Variants in COL24A1 observed in about 807,000 individuals in gnomAD.
COL24A1 encodes the protein collagen type XXIV alpha 1 chain.
Under a neutral mutation model 253.9 loss-of-function variants are expected in COL24A1, and 224 were observed. The ratio of observed to expected loss-of-function variants is 0.88; its 90% CI spans 0.79 to 0.99. The LOEUF (loss-of-function observed/expected upper bound fraction) is 0.99. Among genes scored for constraint, COL24A1 ranks in the 50% least tolerant of loss-of-function variants. The pLI, the probability that COL24A1 is intolerant of heterozygous loss-of-function variation, is 0.00. For synonymous variants in COL24A1, 685 were observed against 673.7 expected (o/e 1.02, Z -0.26); for missense variants, 2,131 against 2,068.5 (o/e 1.03, Z -0.59).
intron 10 of COL24A1, among the ~76,000 whole-genome samples, chr1:86,057,225 C>T (rs915026863): frequency 1.3e-5 from 2 of 152,056 alleles, no homozygotes; most frequent in African/African-American, 2.4e-5. Context: ...CTCCCACTCT[C>T]GCCTTGTGAC....
intron 19 of COL24A1, among the ~76,000 whole-genome samples, chr1:85,994,242 C>A: frequency 6.6e-6 from 1 of 151,556 alleles, no homozygotes; most frequent in Middle Eastern, 3.2e-3. Context: ...ATTATGAATT[C>A]TTGAGGGCAA....
At chr1:85,971,291 T>A (rs1404000917) in intron 21 of COL24A1, 49 bp downstream of exon 21, 1 of 1,537,876 alleles carries the variant, frequency 6.5e-7, no homozygotes, top group African/African-American at 1.4e-5. Flanking sequence ...AAGGGAAAAT[T>A]TTAACTAAAA....
Position 85,896,413 on chromosome 1 carries a change from G to A in COL24A1, c.2779-4C>T. 6.2e-7 allele frequency: 1 copy of A among 1,610,734 alleles called. No homozygotes were observed. Among genetic ancestry groups the A allele is most frequent in the Non-Finnish European group, 8.5e-7 (1 of 1,177,442 alleles). ...GACCATCTGGTCCTCTTGATCCCTA[G>A]AGGTGAAAAAAATATCCTGTTGTTA... On this transcript the variant is annotated splice_polypyrimidine_tract_variant and splice_region_variant and intron_variant, in intron 28 of 59. Coordinates refer to ENST00000370571, the MANE Select transcript of COL24A1 (RefSeq NM_152890.7).
At chr1:86,016,289 T>G (rs1033815875) in intron 19 of COL24A1, among the ~76,000 whole-genome samples, 2 of 152,306 alleles carry the variant, frequency 1.3e-5, no homozygotes, top group Non-Finnish European at 1.5e-5. Flanking sequence ...GAAGTAGATC[T>G]TATGGTTTAC....
chr1:85,933,246 T>C (rs2103108150), intron 24 of COL24A1, among the ~76,000 whole-genome samples: 1 of 108,100 alleles, frequency 9.3e-6, no homozygotes, highest in African/African-American at 3.2e-5. Flanking sequence ...AATTACTCTA[T>C]TCAGTATCTA....
chr1:85,996,126 C>CA (rs1694764967), intron 19 of COL24A1, among the ~76,000 whole-genome samples: 8 of 151,858 alleles, frequency 5.3e-5, no homozygotes, highest in Admixed American at 5.2e-4. Flanking sequence ...AAAGCTGCAA[C>CA]AAAAAAAGGT....
chr1:86,126,365 G>C, intron 2 of COL24A1, 151 bp from the exon 3 acceptor site: 3 of 674,022 alleles, frequency 4.5e-6, no homozygotes. Context: ...TGGGTAATAA[G>C]AAATAGGGAG....
intron 53 of COL24A1, among the ~76,000 whole-genome samples, chr1:85,763,574 C>T (rs1361758661): frequency 7.0e-6 from 1 of 143,246 alleles, no homozygotes; most frequent in African/African-American, 2.6e-5. Flanking sequence ...TCACTGCAAT[C>T]TCTGCCTCCC....
rs374643250 is a variant in COL24A1, at chr1:85,875,333, A to G, written c.3031-3T>C. ...TCTCCCTCAGTGCCTGGAGGTCCCT[A>G]CAAGAGAATAATTTAACACATTACA... On this transcript the variant is annotated splice_region_variant and splice_polypyrimidine_tract_variant and intron_variant, in intron 33 of 59. Coordinates refer to ENST00000370571, the MANE Select transcript of COL24A1 (RefSeq NM_152890.7). 13 of 1,613,056 alleles carry G rather than the reference A, an allele frequency of 8.1e-6. No homozygotes were observed. Among genetic ancestry groups the G allele is most frequent in the Non-Finnish European group, 1.1e-5 (13 of 1,179,096 alleles).
intron 26 of COL24A1, among the ~76,000 whole-genome samples, chr1:85,909,673 T>C (rs1685180737): frequency 6.6e-6 from 1 of 151,914 alleles, no homozygotes; most frequent in South Asian, 2.1e-4. Context: ...TGTAGAATTC[T>C]AATTGAATTT....
intron 24 of COL24A1, among the ~76,000 whole-genome samples, chr1:85,946,109 G>A (rs1458109415): frequency 1.3e-5 from 2 of 152,152 alleles, no homozygotes; most frequent in Admixed American, 6.5e-5. Flanking sequence ...CCCTCTGAGA[G>A]TTTGGAATTT....
intron 3 of COL24A1, among the ~76,000 whole-genome samples, chr1:86,120,660 G>A (rs1162803768): frequency 6.6e-6 from 1 of 152,232 alleles, no homozygotes; most frequent in African/African-American, 2.4e-5. Context: ...TGTAGAGGAT[G>A]TGGAGAAATA....
intron 24 of COL24A1, among the ~76,000 whole-genome samples, chr1:85,939,689 T>C (rs1688558229): frequency 6.6e-6 from 1 of 152,184 alleles, no homozygotes; most frequent in Non-Finnish European, 1.5e-5. Context: ...TATAAGTTTT[T>C]TTTGGAATAT....
chr1:85,814,273 G>A (rs183356872), intron 47 of COL24A1, among the ~76,000 whole-genome samples: 115 of 152,226 alleles, frequency 7.6e-4, no homozygotes, highest in African/African-American at 2.7e-3. Flanking sequence ...CCAGTGTTTC[G>A]ATTTCAGGCA....
intron 5 of COL24A1, among the ~76,000 whole-genome samples, chr1:86,094,600 T>C (rs894497413): frequency 6.6e-6 from 1 of 151,854 alleles, no homozygotes; most frequent in African/African-American, 2.4e-5. Context: ...TGTAACAAAC[T>C]TGCACATGTA....
chr1:86,103,801 A>G (rs775674780), intron 5 of COL24A1, among the ~76,000 whole-genome samples: 83 of 151,962 alleles, frequency 5.5e-4, no homozygotes, highest in South Asian at 8.3e-4. Flanking sequence ...CTTTCTCTCT[A>G]GTTGCCTTTA....
intron 53 of COL24A1, among the ~76,000 whole-genome samples, chr1:85,769,007 TCAA>T (rs796903228): frequency 3.7e-4 from 1 of 2,690 alleles, no homozygotes; most frequent in Non-Finnish European, 6.2e-3. Context: ...TTCAATAAAT[TCAA>T]ACAATTCAAT....
intron 39 of COL24A1, among the ~76,000 whole-genome samples, chr1:85,845,082 TA>T (rs1677029150): frequency 6.6e-6 from 1 of 151,882 alleles, no homozygotes; most frequent in Non-Finnish European, 1.5e-5. Context: ...ACTCTTAAGG[TA>T]AACTACATTC....
chr1:85,758,278 C>A (rs1666473817), intron 55 of COL24A1, among the ~76,000 whole-genome samples: 1 of 29,794 alleles, frequency 3.4e-5, no homozygotes, highest in Non-Finnish European at 2.2e-4. Context: ...TATATAATAG[C>A]AGCAGCCACT....
Sources: gnomAD v4.1 joint callset for allele counts (sites outside exome capture counted in the v4.1 genomes callset) on GRCh38, gnomAD v4.1.1 for gene constraint, MANE v1.5 for transcripts, NCBI Gene and HGNC (gene_info 2026-07-23, HGNC 2026-07-21) for gene names.